RIC1: variants seen among roughly 807,000 people sequenced by gnomAD.
RIC1 encodes the protein RIC1 partner of RAB6A GEF complex, also known as guanine nucleotide exchange factor subunit RIC1.
RIC1 carries 88 observed loss-of-function variants against 169.0 expected under a neutral mutation model. The ratio of observed to expected loss-of-function variants is 0.52; its 90% CI spans 0.44 to 0.62. The LOEUF is 0.62. Ranked by LOEUF, RIC1 falls within the 20% of genes least tolerant of loss-of-function variation. The pLI is 0.00. For missense variants in RIC1, 1,877 were observed against 1,725.5 expected (o/e 1.09, Z -1.56); for synonymous variants, 790 against 601.5 (o/e 1.31, Z -4.59).
intron 17 of RIC1, among the ~76,000 whole-genome samples, chr9:5,759,709 G>T (rs1330345076): frequency 3.3e-5 from 5 of 151,996 alleles, no homozygotes; most frequent in African/African-American, 1.2e-4. Flanking sequence ...TATATTTTAG[G>T]AATGCATATT....
rs7848703 is a variant in RIC1 at position 5,648,675 on chromosome 9, C to G, written c.145-7908C>G. Among the ~76,000 whole-genome samples the G allele has an allele frequency of 9.1e-3, 1,387 of 152,218 alleles. 20 individuals carry two copies. Among genetic ancestry groups the G allele is most frequent in the African/African-American group, 0.032 (1,327 of 41,532 alleles). ...CTTTTCTCTGCATTCTCATCAACAT[C>G]TGTTATGTTTTCTTTTTAATAATTG... is the stretch of plus-strand genomic sequence containing the variant. On this transcript the variant is annotated intron_variant, in intron 1 of 25. Transcript: ENST00000414202.
intron 8 of RIC1, among the ~76,000 whole-genome samples, chr9:5,742,655 C>A (rs1825147719): frequency 6.6e-6 from 1 of 152,034 alleles, no homozygotes; most frequent in African/African-American, 2.4e-5. Flanking sequence ...TTACAAATCA[C>A]CTGTGCACTG....
At position 5,763,947 on chromosome 9, in the gene RIC1, C is replaced by T; in HGVS notation, c.2841+79C>T. The T allele has an allele frequency of 2.8e-6, 4 of 1,441,504 alleles. No individual in the cohort carries two copies. Among genetic ancestry groups the T allele is most frequent in the Non-Finnish European group, 2.8e-6 (3 of 1,069,444 alleles). The allele number at this position is 1,441,504 out of a possible 1,614,324, so 89.3% of individuals were successfully genotyped here. On this transcript the variant is annotated intron_variant, in intron 19 of 25. Transcript: ENST00000414202. This position sits in a 1 kb window ranked among gnomAD's most constrained non-coding sequence, Gnocchi z 5.2. ...AAATAGAAATGTCCTGTTTTGACAC[C>T]ATGATTGTGTTTAAGGAATTCATAG...
At chr9:5,639,702 C>G (rs771814243) in intron 1 of RIC1, among the ~76,000 whole-genome samples, 2 of 152,146 alleles carry the variant, frequency 1.3e-5, no homozygotes, top group Non-Finnish European at 2.9e-5. Flanking sequence ...CTCCAGCTAT[C>G]ATATTGAGGT....
intron 1 of RIC1, among the ~76,000 whole-genome samples, chr9:5,632,748 C>T (rs1194216818): frequency 1.3e-5 from 2 of 152,108 alleles, no homozygotes; most frequent in African/African-American, 2.4e-5. Flanking sequence ...TTATGATTGA[C>T]GTAGGTGTAG....
rs192505495 is a variant in RIC1, at chr9:5,635,716, G to T, written c.144+6263G>T. 1.9e-3 allele frequency among the ~76,000 whole-genome samples: 294 copies of T among 152,256 alleles called. 3 individuals carry two copies. Among genetic ancestry groups the T allele is most frequent in the African/African-American group, 6.6e-3 (275 of 41,554 alleles). On this transcript the variant is annotated intron_variant, in intron 1 of 25. Transcript: ENST00000414202. The stretch of plus-strand genomic sequence containing the variant: ...CCTGGTAGGGGGTCATTAGATCATA[G>T]CGGGAGTTTTCCTCATGCTGTTCTT...
At chr9:5,639,080 T>C (rs966274018) in intron 1 of RIC1, among the ~76,000 whole-genome samples, 2 of 152,154 alleles carry the variant, frequency 1.3e-5, no homozygotes, top group Non-Finnish European at 2.9e-5. Flanking sequence ...CGTGCCCAGC[T>C]AATTTTTGTA....
chr9:5,727,572 T>C (rs1324146744), intron 6 of RIC1, among the ~76,000 whole-genome samples: 1 of 152,238 alleles, frequency 6.6e-6, no homozygotes, highest in Non-Finnish European at 1.5e-5. Flanking sequence ...CATCGAGCTT[T>C]GTTCCATTGC....
intron 7 of RIC1, among the ~76,000 whole-genome samples, chr9:5,733,936 C>T (rs1338583835): frequency 6.6e-6 from 1 of 150,572 alleles, no homozygotes; most frequent in Non-Finnish European, 1.5e-5. Context: ...GTAGAATTTG[C>T]CAATGAGAAG....
chr9:5,678,624 T>A (rs1249748183), intron 2 of RIC1, among the ~76,000 whole-genome samples: 1 of 152,178 alleles, frequency 6.6e-6, no homozygotes, highest in Non-Finnish European at 1.5e-5. Flanking sequence ...TTTCATGTGT[T>A]TTTTGGCTGC....
In RIC1 at chr9:5,763,631, A is replaced by C. The variant is rs1826481102; in HGVS notation, c.2604A>C (p.Val868=). The C allele has an allele frequency of 1.9e-6, 3 of 1,614,060 alleles. No homozygotes were observed. Among genetic ancestry groups the C allele is most frequent in the Non-Finnish European group, 2.5e-6 (3 of 1,180,032 alleles). Reference sequence around the variant, plus strand: ...TGCTGGAGCTCATGCTCCATGAAGTACTGGAAGAAGAAGCTACCTCACGGG... The same window carrying C: ...TGCTGGAGCTCATGCTCCATGAAGTCCTGGAAGAAGAAGCTACCTCACGGG... ...PHVLELMLHE[V]LEEEATSREP... The change falls in exon 19 of 26, where the codon GTA becomes GTC. Residue 868 remains valine, a synonymous_variant. Coordinates refer to ENST00000414202, the MANE Select transcript of RIC1 (RefSeq NM_020829.4). This position sits in a 1 kb window ranked among gnomAD's most constrained non-coding sequence, Gnocchi z 5.2.
At chr9:5,745,634 G>A (rs1031272397) in intron 10 of RIC1, among the ~76,000 whole-genome samples, 1 of 152,172 alleles carries the variant, frequency 6.6e-6, no homozygotes, top group African/African-American at 2.4e-5. Context: ...AAGCAATAGA[G>A]AAGTTACAGA....
At position 5,756,445 on chromosome 9, in the gene RIC1, C is replaced by T. The variant is rs879161056; in HGVS notation, c.1853+73C>T. 4 of 1,034,668 alleles carry T rather than the reference C, an allele frequency of 3.9e-6. No individual in the cohort carries two copies. In the South Asian group the frequency reaches 1.4e-4, roughly 35 times the overall value. 64.1% of individuals were successfully genotyped at this position (1,034,668 alleles called of 1,614,324 possible). On this transcript the variant is annotated intron_variant, in intron 16 of 25. Transcript: ENST00000414202. The stretch of plus-strand genomic sequence containing the variant: ...GTTTCTCTTTTGTAGTTTTTGTTTT[C>T]TCAAAACAGTTATTCCACTTTTATA...
At chr9:5,632,115 G>A (rs1298808703) in intron 1 of RIC1, among the ~76,000 whole-genome samples, 2 of 152,166 alleles carry the variant, frequency 1.3e-5, no homozygotes, top group African/African-American at 4.8e-5. Context: ...TTGAAGGCAG[G>A]GAGACATGCT....
At chr9:5,710,713 ATAAT>A (rs1451786465) in intron 3 of RIC1, among the ~76,000 whole-genome samples, 4 of 152,328 alleles carry the variant, frequency 2.6e-5, no homozygotes, top group Non-Finnish European at 4.4e-5. Context: ...GTTTGAGGAA[ATAAT>A]TAACAACCTT....
chr9:5,656,675 C>T lies in RIC1; in HGVS notation c.237C>T (p.Thr79=), dbSNP rs942063489. The change falls in exon 2 of 26, where the codon ACC becomes ACT. Residue 79 remains threonine (T), a synonymous_variant. Coordinates refer to ENST00000414202, the MANE Select transcript of RIC1 (RefSeq NM_020829.4). ...YKQAEWRPDS[T]MIAVSTANGY... The stretch of plus-strand genomic sequence containing the variant: ...AAGCTGAATGGAGGCCAGATAGTAC[C>T]ATGATAGCTGTATCAGTAAGTAGAT... The T allele has an allele frequency of 1.3e-6, 2 of 1,593,116 alleles. No individual in the cohort carries two copies. Among genetic ancestry groups the T allele is most frequent in the South Asian group, 1.1e-5 (1 of 89,466 alleles).
At chr9:5,728,970 T>C (rs560395233) in intron 6 of RIC1, among the ~76,000 whole-genome samples, 1 of 152,318 alleles carries the variant, frequency 6.6e-6, no homozygotes, top group Non-Finnish European at 1.5e-5. Context: ...AGTTATTTAC[T>C]TGGGGGTCCT....
chr9:5,741,092 A>G (rs1412273754), intron 8 of RIC1, among the ~76,000 whole-genome samples: 1 of 152,152 alleles, frequency 6.6e-6, no homozygotes, highest in Non-Finnish European at 1.5e-5. Flanking sequence ...TGATTTAATT[A>G]TAGTTTAACT....
intron 3 of RIC1, among the ~76,000 whole-genome samples, chr9:5,706,550 A>G (rs1248681384): frequency 6.6e-6 from 1 of 152,158 alleles, no homozygotes; most frequent in Non-Finnish European, 1.5e-5. Flanking sequence ...TAAATATTGT[A>G]TAGGTCACTA....
Sources: gnomAD v4.1 joint callset for allele counts (sites outside exome capture counted in the v4.1 genomes callset) on GRCh38, gnomAD v4.1.1 for gene constraint, Gnocchi (gnomAD v3.1) non-coding constraint, MANE v1.5 for transcripts, NCBI Gene and HGNC (gene_info 2026-07-23, HGNC 2026-07-21) for gene names.